DNAJA4: variants seen among roughly 807,000 people sequenced by gnomAD.
The protein encoded by DNAJA4 is DnaJ heat shock protein family (Hsp40) member A4, also known as dnaJ homolog subfamily A member 4.
A neutral mutation model predicts 39.7 loss-of-function variants in DNAJA4; 32 were observed. The observed-to-expected ratio is 0.81, with a 90% CI of 0.61 to 1.08. The LOEUF (loss-of-function observed/expected upper bound fraction) is 1.08, where lower values mean the gene tolerates loss of function less well. DNAJA4 is among the 50% of genes least tolerant of loss of function. The probability of loss-of-function intolerance (pLI) is 0.00; values close to 1 mark genes in which losing one functional copy is unlikely to be tolerated. For synonymous variants in DNAJA4, 184 were observed against 182.4 expected (o/e 1.01, Z -0.07); for missense variants, 439 against 505.1 (o/e 0.87, Z 1.25).
intron 1 of DNAJA4, chr15:78,266,394 A>C (rs767974932): frequency 4.8e-6 from 5 of 1,040,454 alleles, no homozygotes; most frequent in Non-Finnish European, 7.2e-6. Flanking sequence ...ACATATGTGT[A>C]GGTTTCACCC....
In DNAJA4 at chr15:78,279,082, CTG is replaced by C. The variant is rs1221792715; in HGVS notation, c.878-962_878-961del. 2.0e-5 allele frequency: 3 copies of C among 152,102 alleles called. No individual in the cohort carries two copies. Among genetic ancestry groups the C allele is most frequent in the Non-Finnish European group, 4.4e-5 (3 of 68,036 alleles). 9.4% of individuals were successfully genotyped at this position (152,102 alleles called of 1,614,324 possible). A position where few individuals can be genotyped will look rare whatever the true frequency, so the allele number is the denominator to read the frequency against. ...AGTCAGTAGGCTCTGAAGGCCATGT[CTG>C]AACCACAGCCCTGCCTGCGAATGAA... On this transcript the variant is annotated intron_variant, in intron 5 of 6. Coordinates refer to ENST00000394852, the MANE Select transcript of DNAJA4 (RefSeq NM_001130182.2). The surrounding 1 kb of genome is among the most constrained non-coding windows in gnomAD (Gnocchi z 4.5).
In DNAJA4 at chr15:78,264,662, GA is replaced by G. The variant is rs2049067493; in HGVS notation, c.-101del. 3.3e-5 allele frequency: 34 copies of G among 1,021,686 alleles called. No individual in the cohort carries two copies. The highest frequency in any genetic ancestry group is 4.4e-5 in the South Asian group (1 of 22,482). The allele number at this position is 1,021,686 out of a possible 1,614,324, so 63.3% of individuals were successfully genotyped here. On this transcript the variant is annotated 5_prime_UTR_variant, in exon 1 of 7. Coordinates refer to ENST00000394852, the MANE Select transcript of DNAJA4 (RefSeq NM_001130182.2). Reference sequence around the variant, plus strand: ...GGCGGCGACCGTGACCGTGACGCGCGAGCGGGCGGCGGGGGCGCGGGCCAGG... The same window carrying G: ...GGCGGCGACCGTGACCGTGACGCGCGGCGGGCGGCGGGGGCGCGGGCCAGG...
rs567072590 is a variant in DNAJA4 at position 78,276,600 on chromosome 15, T to C, written c.877+872T>C. 3.9e-5 allele frequency among the ~76,000 whole-genome samples: 6 copies of C among 152,384 alleles called. No homozygotes were observed. The South Asian group carries it at 1.0e-3, about 26-fold the overall frequency. Reference sequence around the variant, plus strand: ...GAATAGCACTAAGGTCAGCTGTGCATAGCAAAGAATGTCTGGATGGGTGTG... The same window carrying C: ...GAATAGCACTAAGGTCAGCTGTGCACAGCAAAGAATGTCTGGATGGGTGTG... On this transcript the variant is annotated intron_variant, in intron 5 of 6. Transcript: ENST00000394852.
Position 78,274,356 on chromosome 15 carries a change from G to T in DNAJA4, c.578G>T (p.Arg193Leu), listed in dbSNP as rs535285370. The T allele has an allele frequency of 5.0e-6, 8 of 1,614,100 alleles. No homozygotes were observed. The highest frequency in any genetic ancestry group is 4.0e-5 in the African/African-American group (3 of 74,944). The stretch of plus-strand genomic sequence containing the variant: ...GGTGAGCGCATCAACCCCAAGGACC[G>T]CTGCGAGAGCTGCAGCGGGGCCAAG... ...GQGERINPKD[R>L]CESCSGAKVI... The change falls in exon 4 of 7, where the codon CGC becomes CTC. Residue 193 changes from arginine to leucine, a missense_variant. Coordinates refer to ENST00000394852, the MANE Select transcript of DNAJA4 (RefSeq NM_001130182.2).
chr15:78,266,275 A>C, intron 1 of DNAJA4: 1 of 1,614,024 alleles, frequency 6.2e-7, no homozygotes, highest in Non-Finnish European at 8.5e-7. Context: ...ATTCAGGTCA[A>C]ATCTCAGCAC....
intron 5 of DNAJA4, 35 bp from the exon 6 acceptor site, chr15:78,280,010 C>A (rs1465743866): frequency 1.2e-6 from 2 of 1,600,540 alleles, no homozygotes; most frequent in South Asian, 2.2e-5. Context: ...GGCCCCTCTG[C>A]CTTCCTCCTT....
In DNAJA4 at chr15:78,280,747, A is replaced by C; in HGVS notation, c.*287A>C. 3.4e-6 allele frequency: 1 copy of C among 292,946 alleles called. No homozygotes were observed. The highest frequency in any genetic ancestry group is 6.4e-6 in the Non-Finnish European group (1 of 156,718). The allele number at this position is 292,946 out of a possible 1,614,324, so 18.1% of individuals were successfully genotyped here. A position where few individuals can be genotyped will look rare whatever the true frequency, so the allele number is the denominator to read the frequency against. ...TTGAGATGTCAGTGATTGCACCAAT[A>C]CTTTGTGCTTCTAGTGGCTTTGCCA... On this transcript the variant is annotated 3_prime_UTR_variant, in exon 7 of 7. Coordinates refer to ENST00000394852, the MANE Select transcript of DNAJA4 (RefSeq NM_001130182.2).
intron 3 of DNAJA4, 30 bp from the exon 4 acceptor site, chr15:78,274,167 C>T: frequency 6.3e-7 from 1 of 1,598,818 alleles, no homozygotes; most frequent in African/African-American, 1.3e-5. Flanking sequence ...AAGAGCATGG[C>T]CCTCATTCCT....
At chr15:78,269,719 C>CT (rs1362344737) in intron 1 of DNAJA4, among the ~76,000 whole-genome samples, 2 of 151,252 alleles carry the variant, frequency 1.3e-5, no homozygotes, top group Non-Finnish European at 2.9e-5. Flanking sequence ...TTTTTTTTCT[C>CT]CCCTGTGCAG....
intron 2 of DNAJA4, among the ~76,000 whole-genome samples, chr15:78,271,040 G>C (rs1440349402): frequency 1.4e-5 from 2 of 147,504 alleles, no homozygotes; most frequent in Admixed American, 6.7e-5. Flanking sequence ...GGCAGGGTGA[G>C]ACCCTGTCTC....
At chr15:78,267,142 G>A (rs1420114863) in intron 1 of DNAJA4, among the ~76,000 whole-genome samples, 4 of 37,610 alleles carry the variant, frequency 1.1e-4, no homozygotes, top group Non-Finnish European at 2.5e-4. Flanking sequence ...GTGTATGTGA[G>A]TGTGTGTGTG....
rs1717362419 is a variant in DNAJA4 at position 78,280,674 on chromosome 15, T to C, written c.*214T>C. The C allele has an allele frequency of 3.8e-6, 2 of 525,162 alleles. No homozygotes were observed. Among genetic ancestry groups the C allele is most frequent in the Non-Finnish European group, 6.7e-6 (2 of 297,864 alleles). The allele number at this position is 525,162 out of a possible 1,614,324, so 32.5% of individuals were successfully genotyped here. On this transcript the variant is annotated 3_prime_UTR_variant, in exon 7 of 7. Coordinates refer to ENST00000394852, the MANE Select transcript of DNAJA4 (RefSeq NM_001130182.2). ...TTAAATGTTTTAAGTATAAATCACC[T>C]CTAGTCTGCATATGGAATCTGTTCA...
At position 78,275,645 on chromosome 15, in the gene DNAJA4, T is replaced by A. The variant is rs2049433331; in HGVS notation, c.794T>A (p.Ile265Asn). 1 of 1,614,190 alleles carries A rather than the reference T, an allele frequency of 6.2e-7. No homozygotes were observed. The highest frequency in any genetic ancestry group is 1.3e-5 in the African/African-American group (1 of 75,064). The part of the protein sequence containing the change: ...RGHDLIMKMK[I>N]QLSEALCGFK... ...CATGACTTGATCATGAAAATGAAAA[T>A]TCAGCTTTCTGAAGCTCTTTGTGGC... The change falls in exon 5 of 7, where the codon ATT becomes AAT. Residue 265 changes from isoleucine to asparagine, a missense_variant. Transcript: ENST00000394852.
At chr15:78,265,504 C>T (rs760711472) in intron 1 of DNAJA4, 1 of 702,382 alleles carries the variant, frequency 1.4e-6, no homozygotes, top group South Asian at 1.5e-5. Context: ...TGCAACCTGA[C>T]ATCAGCTTGT....
chr15:78,276,193 GTGT>G (rs1403634234), intron 5 of DNAJA4, among the ~76,000 whole-genome samples: 1 of 152,168 alleles, frequency 6.6e-6, no homozygotes, highest in Non-Finnish European at 1.5e-5. Context: ...TTAATAGGTG[GTGT>G]TTTTCTATCA....
chr15:78,273,073 AT>A (rs770776532), intron 2 of DNAJA4, 21 bp from the exon 3 acceptor site: 25 of 1,390,894 alleles, frequency 1.8e-5, no homozygotes, highest in South Asian at 3.6e-5. Flanking sequence ...AACGCCACTA[AT>A]TTTTTTTCTC....
chr15:78,275,603 T>G lies in DNAJA4; in HGVS notation c.752T>G (p.Val251Gly), dbSNP rs1403537962. The change falls in exon 5 of 7, where the codon GTC becomes GGC. Residue 251 changes from valine (V) to glycine (G), a missense_variant. Transcript: ENST00000394852. ...IIVLDQKDHSVFQRRGHDLIM... is the reference protein window; with the variant it reads ...IIVLDQKDHSGFQRRGHDLIM... ...GTGCTTGATCAGAAGGATCATAGTGTCTTTCAGAGACGAGGCCATGACTTG... is the reference window on the plus strand; with the variant it reads ...GTGCTTGATCAGAAGGATCATAGTGGCTTTCAGAGACGAGGCCATGACTTG... The G allele has an allele frequency of 1.9e-5, 31 of 1,614,060 alleles. No individual in the cohort carries two copies. The highest frequency in any genetic ancestry group is 2.7e-5 in the African/African-American group (2 of 74,930).
rs2049078388 is a variant in DNAJA4, at chr15:78,264,916, CGGGCCGGGCTCCCGAGGGGCCAA to C, written c.132+25_132+47del. 3 of 1,568,754 alleles carry C rather than the reference CGGGCCGGGCTCCCGAGGGGCCAA, an allele frequency of 1.9e-6. No homozygotes were observed. The Admixed American group carries it at 5.4e-5, about 28-fold the overall frequency. ...AGAAGGTGCGGGGCGGCGCGGGGCA[CGGGCCGGGCTCCCGAGGGGCCAA>C]GGGTTATTAAGCCAGGAGCATTGAA... is the stretch of plus-strand genomic sequence containing the variant. On this transcript the variant is annotated intron_variant, in intron 1 of 6. Coordinates refer to ENST00000394852, the MANE Select transcript of DNAJA4 (RefSeq NM_001130182.2).
Position 78,275,498 on chromosome 15 carries a change from G to T in DNAJA4, c.647G>T (p.Gly216Val). The T allele has an allele frequency of 6.2e-7, 1 of 1,605,036 alleles. No individual in the cohort carries two copies. The highest frequency in any genetic ancestry group is 8.5e-7 in the Non-Finnish European group (1 of 1,171,866). ...KKIIEVHVEK[G>V]MKDGQKILFH... ...ATCAGAAAGGGATGATGTTTCATAGGTATGAAAGATGGGCAAAAGATACTA... is the reference window on the plus strand; with the variant it reads ...ATCAGAAAGGGATGATGTTTCATAGTTATGAAAGATGGGCAAAAGATACTA... The change falls in exon 5 of 7, where the codon GGT becomes GTT. Residue 216 changes from glycine to valine, a missense_variant and splice_region_variant. By Grantham distance (109) the Gly-to-Val change is moderately radical. Transcript: ENST00000394852.
Sources: gnomAD v4.1 joint callset for allele counts (sites outside exome capture counted in the v4.1 genomes callset) on GRCh38, gnomAD v4.1.1 for gene constraint, Gnocchi (gnomAD v3.1) non-coding constraint, MANE v1.5 for transcripts, NCBI Gene and HGNC (gene_info 2026-07-23, HGNC 2026-07-21) for gene names.